Variants in BRINP3 observed in about 807,000 individuals in gnomAD.
The protein encoded by BRINP3 is BMP/retinoic acid inducible neural specific 3, also known as BMP/retinoic acid-inducible neural-specific protein 3.
In BRINP3, 19 loss-of-function variants were observed where a neutral mutation model predicts 71.0. The observed-to-expected ratio is 0.27, with a 90% confidence interval of 0.19 to 0.39. The LOEUF is 0.39. BRINP3 is among the 10% of genes least tolerant of loss of function. BRINP3 has a pLI of 1.00. For synonymous variants in BRINP3, 380 were observed against 337.7 expected (o/e 1.13, Z -1.37); for missense variants, 959 against 940.8 (o/e 1.02, Z -0.25).
intron 2 of BRINP3, among the ~76,000 whole-genome samples, chr1:190,304,615 AC>A (rs892450020): frequency 1.3e-5 from 2 of 152,020 alleles, no homozygotes; most frequent in Middle Eastern, 3.4e-3. Context: ...ATATGCAAAA[AC>A]AACACAAAAT....
intron 2 of BRINP3, among the ~76,000 whole-genome samples, chr1:190,301,372 A>G (rs1050567033): frequency 1.1e-3 from 163 of 150,428 alleles, no homozygotes; most frequent in African/African-American, 3.0e-3. Context: ...TATTTCCTCT[A>G]AATTCCTTTT....
At chr1:190,191,081 T>C (rs1433053985) in intron 6 of BRINP3, among the ~76,000 whole-genome samples, 1 of 152,130 alleles carries the variant, frequency 6.6e-6, no homozygotes, top group African/African-American at 2.4e-5. Flanking sequence ...CACACTAGTT[T>C]CTAAGAGGCA....
At chr1:190,463,268 G>T (rs549083758) in intron 1 of BRINP3, among the ~76,000 whole-genome samples, 15 of 151,772 alleles carry the variant, frequency 9.9e-5, no homozygotes, top group South Asian at 6.2e-4. Flanking sequence ...TCAGAGAAAT[G>T]AGATGACACT....
intron 2 of BRINP3, among the ~76,000 whole-genome samples, chr1:190,333,843 A>G (rs1667116868): frequency 6.6e-6 from 1 of 151,898 alleles, no homozygotes; most frequent in South Asian, 2.1e-4. Flanking sequence ...TTTTAACTTT[A>G]ACTCATTGAT....
intron 6 of BRINP3, among the ~76,000 whole-genome samples, chr1:190,169,182 T>C (rs1651806728): frequency 6.6e-6 from 1 of 152,314 alleles, no homozygotes; most frequent in East Asian, 1.9e-4. Flanking sequence ...TAAACGTTAT[T>C]TATATTGAGA....
chr1:190,417,605 T>C lies in BRINP3; in HGVS notation c.236+37050A>G, dbSNP rs1274251563. On this transcript the variant is annotated intron_variant, in intron 2 of 7. Transcript: ENST00000367462. Reference sequence around the variant, plus strand: ...ACCAACATACTTGATACAAACATACTTGGCACTTACTGTAGCATATGTTTT... The same window carrying C: ...ACCAACATACTTGATACAAACATACCTGGCACTTACTGTAGCATATGTTTT... Among the ~76,000 whole-genome samples the C allele has an allele frequency of 2.0e-5, 3 of 152,164 alleles. No individual in the cohort carries two copies. The East Asian group carries it at 5.8e-4, about 29-fold the overall frequency.
intron 2 of BRINP3, among the ~76,000 whole-genome samples, chr1:190,295,185 G>A (rs2102978971): frequency 6.6e-6 from 1 of 152,224 alleles, no homozygotes; most frequent in African/African-American, 2.4e-5. Context: ...GCAGCCAGTA[G>A]AGAAGAGGGC....
chr1:190,354,148 C>T (rs1668578245), intron 2 of BRINP3, among the ~76,000 whole-genome samples: 1 of 151,940 alleles, frequency 6.6e-6, no homozygotes, highest in African/African-American at 2.4e-5. Flanking sequence ...CTAAGCTATA[C>T]TTTCATGGCA....
rs184373013 is a variant in BRINP3 at position 190,467,016 on chromosome 1, T to C, written c.-51+10432A>G. Reference sequence around the variant, plus strand: ...ACTAAATCATCACTCTGAGAATTGTTATGACTATTTTCAGAAATGTCCTGG... The same window carrying C: ...ACTAAATCATCACTCTGAGAATTGTCATGACTATTTTCAGAAATGTCCTGG... On this transcript the variant is annotated intron_variant, in intron 1 of 7. Transcript: ENST00000367462. 3.3e-5 allele frequency among the ~76,000 whole-genome samples: 5 copies of C among 151,678 alleles called. No homozygotes were observed. In the East Asian group the frequency reaches 9.7e-4, roughly 29 times the overall value.
intron 3 of BRINP3, among the ~76,000 whole-genome samples, chr1:190,267,294 G>C (rs557198779): frequency 2.0e-5 from 3 of 151,944 alleles, no homozygotes; most frequent in African/African-American, 7.2e-5. Flanking sequence ...TAAGAATATA[G>C]TATGACTCAC....
intron 6 of BRINP3, among the ~76,000 whole-genome samples, chr1:190,220,364 G>A (rs1045551394): frequency 3.7e-4 from 56 of 151,978 alleles, no homozygotes; most frequent in African/African-American, 1.3e-3. Context: ...GACACAGGGA[G>A]AGGAACATCA....
chr1:190,205,292 G>GT (rs2102628679), intron 6 of BRINP3, among the ~76,000 whole-genome samples: 1 of 151,218 alleles, frequency 6.6e-6, no homozygotes, highest in Admixed American at 6.6e-5. Flanking sequence ...CCAGTAAGCG[G>GT]TTGATATGGT....
At chr1:190,197,051 C>T (rs539406211) in intron 6 of BRINP3, among the ~76,000 whole-genome samples, 20 of 152,012 alleles carry the variant, frequency 1.3e-4, no homozygotes, top group South Asian at 1.0e-3. Flanking sequence ...ATTTAATGGA[C>T]TCACAGTTCC....
chr1:190,369,925 T>C (rs1669752909), intron 2 of BRINP3, among the ~76,000 whole-genome samples: 1 of 152,186 alleles, frequency 6.6e-6, no homozygotes, highest in South Asian at 2.1e-4. Flanking sequence ...ATTTGCACTT[T>C]TGCAAATAAT....
chr1:190,230,984 TATC>T (rs1408785643), intron 5 of BRINP3, among the ~76,000 whole-genome samples: 5 of 151,476 alleles, frequency 3.3e-5, no homozygotes, highest in African/African-American at 7.3e-5. Flanking sequence ...TAATATTAAT[TATC>T]ATATAGTATA....
chr1:190,273,168 C>G (rs560698773), intron 3 of BRINP3, among the ~76,000 whole-genome samples: 1 of 151,210 alleles, frequency 6.6e-6, no homozygotes, highest in South Asian at 2.1e-4. Flanking sequence ...GTAACTTTTC[C>G]ACAAGTATTA....
intron 6 of BRINP3, among the ~76,000 whole-genome samples, chr1:190,178,494 A>C (rs1438353465): frequency 1.3e-5 from 2 of 152,134 alleles, no homozygotes; most frequent in African/African-American, 2.4e-5. Flanking sequence ...TCAAAACTTC[A>C]ATGTTTTATT....
chr1:190,120,975 C>T (rs1653600321), intron 7 of BRINP3, among the ~76,000 whole-genome samples: 2 of 152,044 alleles, frequency 1.3e-5, no homozygotes, highest in Non-Finnish European at 2.9e-5. Context: ...TATGACATAT[C>T]ATGTAGAATT....
At position 190,401,083 on chromosome 1, in the gene BRINP3, G is replaced by T. The variant is rs535740744; in HGVS notation, c.236+53572C>A. 8.7e-4 allele frequency among the ~76,000 whole-genome samples: 132 copies of T among 152,224 alleles called. 1 individual carries two copies. Among genetic ancestry groups the T allele is most frequent in the African/African-American group, 2.9e-3 (121 of 41,556 alleles). ...CCATATATGCCTGGTGTAGCACAGAGAAGTGGCTCACCCCTGTAATCCCAG... is the reference window on the plus strand; with the variant it reads ...CCATATATGCCTGGTGTAGCACAGATAAGTGGCTCACCCCTGTAATCCCAG... On this transcript the variant is annotated intron_variant, in intron 2 of 7. Transcript: ENST00000367462.
Sources: gnomAD v4.1 joint callset for allele counts (sites outside exome capture counted in the v4.1 genomes callset) on GRCh38, gnomAD v4.1.1 for gene constraint, MANE v1.5 for transcripts, NCBI Gene and HGNC (gene_info 2026-07-23, HGNC 2026-07-21) for gene names.